The following WHRN variants were observed in gnomAD, a reference collection of about 807,000 sequenced individuals.
The protein encoded by WHRN is whirlin, also known as CASK-interacting protein CIP98.
A neutral mutation model predicts 68.3 loss-of-function variants in WHRN; 41 were observed. That is an observed-to-expected ratio of 0.60 (90% confidence interval 0.47 to 0.78). The LOEUF is 0.78. Among genes scored for constraint, WHRN ranks in the 30% least tolerant of loss-of-function variants. The probability of loss-of-function intolerance (pLI) is 0.00; values close to 1 mark genes in which losing one functional copy is unlikely to be tolerated. For missense variants in WHRN, 1,243 were observed against 1,244.7 expected, an observed-to-expected ratio of 1.00 and a Z score of 0.02; for synonymous variants, 560 against 561.3, an observed-to-expected ratio of 1.00 and a Z score of 0.03.
chr9:114,412,923 G>A (rs149170840), intron 7 of WHRN, among the ~76,000 whole-genome samples: 215 of 152,290 alleles, frequency 1.4e-3, no homozygotes, highest in African/African-American at 4.6e-3. Context: ...GCCCAATTCC[G>A]GGTTTCTAGG....
Position 114,425,028 on chromosome 9 carries a change from T to C in WHRN, c.1167-4A>G. On this transcript the variant is annotated splice_region_variant and splice_polypyrimidine_tract_variant and intron_variant, in intron 4 of 11. Coordinates refer to ENST00000362057, the MANE Select transcript of WHRN (RefSeq NM_015404.4). ...TGTTGTGAGATCGCCAAGAAACCTG[T>C]GGGGAAAGACACACATCTCCAGTTG... The C allele has an allele frequency of 1.2e-6, 2 of 1,614,042 alleles. No individual in the cohort carries two copies. The highest frequency in any genetic ancestry group is 2.2e-5 in the East Asian group (1 of 44,868).
chr9:114,430,038 C>A (rs972096482), intron 3 of WHRN, among the ~76,000 whole-genome samples: 1 of 152,234 alleles, frequency 6.6e-6, no homozygotes, highest in Non-Finnish European at 1.5e-5. Context: ...CAATAGCTTT[C>A]GCTTTCGTTG....
chr9:114,443,799 C>G (rs1343238993), intron 3 of WHRN, among the ~76,000 whole-genome samples: 1 of 152,214 alleles, frequency 6.6e-6, no homozygotes, highest in African/African-American at 2.4e-5. Flanking sequence ...CATTTTCACA[C>G]TGCTGATAAG....
intron 7 of WHRN, among the ~76,000 whole-genome samples, chr9:114,408,974 G>A (rs752931238): frequency 5.3e-5 from 8 of 152,146 alleles, no homozygotes; most frequent in Admixed American, 3.3e-4. Context: ...CTCAGACACC[G>A]GAGCTCATGG....
At chr9:114,462,529 G>A (rs1840329905) in intron 3 of WHRN, among the ~76,000 whole-genome samples, 1 of 152,172 alleles carries the variant, frequency 6.6e-6, no homozygotes, top group Admixed American at 6.5e-5. Flanking sequence ...GAAACCCCAG[G>A]CTCTGTCAGG....
Position 114,504,793 on chromosome 9 carries a change from C to G in WHRN, c.9G>C (p.Ala3=). MN[A]PLDGLSVSSS... ...AGCTCACCGACAGGCCGTCCAGCGG[C>G]GCGTTCATCTCCACGCCGAGGCCCG... is the stretch of plus-strand genomic sequence containing the variant. The change falls in exon 1 of 12, where the codon GCG becomes GCC. Residue 3 remains alanine, a synonymous_variant. Coordinates refer to ENST00000362057, the MANE Select transcript of WHRN (RefSeq NM_015404.4). 6.9e-7 allele frequency: 1 copy of G among 1,449,174 alleles called. No homozygotes were observed. Among genetic ancestry groups the G allele is most frequent in the South Asian group, 1.4e-5 (1 of 70,104 alleles). The allele number at this position is 1,449,174 out of a possible 1,614,324, so 89.8% of individuals were successfully genotyped here.
intron 3 of WHRN, among the ~76,000 whole-genome samples, chr9:114,438,183 C>T (rs1051264406): frequency 6.6e-6 from 1 of 151,890 alleles, no homozygotes; most frequent in Non-Finnish European, 1.5e-5. Context: ...TGCAGTGAGT[C>T]GAGACTGTGC....
At position 114,407,865 on chromosome 9, in the gene WHRN, G is replaced by A. The variant is rs971909940; in HGVS notation, c.1698+82C>T. On this transcript the variant is annotated intron_variant, in intron 8 of 11. Coordinates refer to ENST00000362057, the MANE Select transcript of WHRN (RefSeq NM_015404.4). ...CTTTGCCACCCTGTGCCCTTTCTCCGTGGCTGTCATGGAGAGGAGAGAGCC... is the reference window on the plus strand; with the variant it reads ...CTTTGCCACCCTGTGCCCTTTCTCCATGGCTGTCATGGAGAGGAGAGAGCC... 45 of 1,216,672 alleles carry A rather than the reference G, an allele frequency of 3.7e-5. 1 individual carries two copies. Among genetic ancestry groups the A allele is most frequent in the South Asian group, 1.4e-4 (11 of 77,670 alleles). 75.4% of individuals were successfully genotyped at this position (1,216,672 alleles called of 1,614,324 possible).
At chr9:114,437,464 CA>C (rs1837958258) in intron 3 of WHRN, among the ~76,000 whole-genome samples, 2 of 151,988 alleles carry the variant, frequency 1.3e-5, no homozygotes, top group Admixed American at 6.6e-5. Flanking sequence ...AAATGACAAC[CA>C]GCATGTTATG....
chr9:114,476,952 G>C (rs1841700172), intron 2 of WHRN, among the ~76,000 whole-genome samples: 2 of 152,178 alleles, frequency 1.3e-5, no homozygotes, highest in South Asian at 4.1e-4. Flanking sequence ...AACAAGTTCT[G>C]TGCCCAACAC....
At chr9:114,489,877 C>G (rs1194642678) in intron 1 of WHRN, among the ~76,000 whole-genome samples, 1 of 151,224 alleles carries the variant, frequency 6.6e-6, no homozygotes, top group East Asian at 2.0e-4. Flanking sequence ...TAGAAAGGCT[C>G]TGCAGCTACT....
intron 7 of WHRN, among the ~76,000 whole-genome samples, chr9:114,413,939 A>T (rs1389321331): frequency 6.7e-6 from 1 of 148,448 alleles, no homozygotes; most frequent in East Asian, 1.9e-4. Flanking sequence ...TGGTCTTAAG[A>T]AAAGGACGTC....
intron 1 of WHRN, among the ~76,000 whole-genome samples, chr9:114,499,581 A>G (rs1445651692): frequency 6.6e-6 from 1 of 152,224 alleles, no homozygotes; most frequent in Non-Finnish European, 1.5e-5. Context: ...TCCCCTATGG[A>G]CGCCTGCTTC....
chr9:114,492,616 T>C (rs560173391), intron 1 of WHRN, among the ~76,000 whole-genome samples: 4 of 152,334 alleles, frequency 2.6e-5, no homozygotes, highest in African/African-American at 9.6e-5. Context: ...TGATTATTTC[T>C]GGCAGGTGAG....
At chr9:114,410,012 C>T (rs1370219817) in intron 7 of WHRN, among the ~76,000 whole-genome samples, 3 of 152,102 alleles carry the variant, frequency 2.0e-5, no homozygotes, top group Admixed American at 6.5e-5. Context: ...CCCTTTCCTG[C>T]TACTCCAACA....
intron 3 of WHRN, among the ~76,000 whole-genome samples, chr9:114,435,990 T>C (rs2132523211): frequency 6.6e-6 from 1 of 152,306 alleles, no homozygotes; most frequent in Admixed American, 6.5e-5. Flanking sequence ...CTCAGCTCAC[T>C]TATGTATTTA....
chr9:114,479,592 G>A (rs1227820399), intron 1 of WHRN, among the ~76,000 whole-genome samples: 2 of 152,148 alleles, frequency 1.3e-5, no homozygotes, highest in South Asian at 2.1e-4. Context: ...GATAGCAATC[G>A]CTTAACATTT....
At position 114,429,176 on chromosome 9, in the gene WHRN, G is replaced by A. The variant is rs7868680; in HGVS notation, c.964-2763C>T. On this transcript the variant is annotated intron_variant, in intron 3 of 11. Transcript: ENST00000362057. The stretch of plus-strand genomic sequence containing the variant: ...AAACTCCTGAGCTCAGGCGATCCAC[G>A]CGGCTTGGCCTCCCAAAGTGCTGGG... 6.2e-3 allele frequency among the ~76,000 whole-genome samples: 949 copies of A among 152,282 alleles called. 12 individuals are homozygous for A. Among genetic ancestry groups the A allele is most frequent in the African/African-American group, 0.021 (879 of 41,558 alleles).
At chr9:114,454,152 C>T (rs1233762179) in intron 3 of WHRN, among the ~76,000 whole-genome samples, 1 of 152,178 alleles carries the variant, frequency 6.6e-6, no homozygotes, top group South Asian at 2.1e-4. Flanking sequence ...GAAAATCCCA[C>T]AGCTAACATA....
Sources: gnomAD v4.1 joint callset for allele counts (sites outside exome capture counted in the v4.1 genomes callset) on GRCh38, gnomAD v4.1.1 for gene constraint, MANE v1.5 for transcripts, NCBI Gene and HGNC (gene_info 2026-07-23, HGNC 2026-07-21) for gene names.